The following PTBP2 variants were observed in gnomAD, a reference collection of about 807,000 sequenced individuals.
PTBP2 encodes polypyrimidine tract-binding protein 2.
PTBP2 carries 13 observed loss-of-function variants against 61.4 expected under a neutral mutation model. That is an observed-to-expected ratio of 0.21 (90% CI 0.14 to 0.34). The LOEUF is 0.34. Among genes scored for constraint, PTBP2 ranks in the 10% least tolerant of loss-of-function variants. The probability of loss-of-function intolerance (pLI) is 1.00; values close to 1 mark genes in which losing one functional copy is unlikely to be tolerated. For missense variants in PTBP2, 405 were observed against 642.6 expected, an observed-to-expected ratio of 0.63 and a Z score of 4.00; for synonymous variants, 215 against 218.5, an observed-to-expected ratio of 0.98 and a Z score of 0.14.
intron 2 of PTBP2, among the ~76,000 whole-genome samples, chr1:96,750,908 A>G (rs986297566): frequency 6.6e-6 from 1 of 152,102 alleles, no homozygotes; most frequent in African/African-American, 2.4e-5. Flanking sequence ...TTTTGCAGAA[A>G]GAAATCTCTT....
chr1:96,800,279 C>T (rs987327337), intron 8 of PTBP2, among the ~76,000 whole-genome samples: 1 of 151,998 alleles, frequency 6.6e-6, no homozygotes, highest in African/African-American at 2.4e-5. Flanking sequence ...TTTTTATTAC[C>T]TCCTTAGAAA....
chr1:96,814,657 A>C lies in PTBP2; in HGVS notation c.*1252A>C, dbSNP rs1662370283. ...TTTTGAAATTGATGTACTTAGTTTCAAGATTCATAGATTCTGTTATCTATG... is the reference window on the plus strand; with the variant it reads ...TTTTGAAATTGATGTACTTAGTTTCCAGATTCATAGATTCTGTTATCTATG... On this transcript the variant is annotated 3_prime_UTR_variant, in exon 14 of 14. Transcript: ENST00000674951. 1 of 152,554 alleles carries C rather than the reference A, an allele frequency of 6.6e-6. No homozygotes were observed. Among genetic ancestry groups the C allele is most frequent in the Non-Finnish European group, 1.5e-5 (1 of 67,984 alleles). The allele number at this position is 152,554 out of a possible 1,614,324, so 9.5% of individuals were successfully genotyped here.
rs761677662 is a variant in PTBP2 at position 96,791,586 on chromosome 1, AGAGGG to A, written c.904+6334_904+6338del. 3.2e-4 allele frequency among the ~76,000 whole-genome samples: 49 copies of A among 152,232 alleles called. 1 individual carries two copies. In the East Asian group the frequency reaches 4.8e-3, roughly 15 times the overall value. On this transcript the variant is annotated intron_variant, in intron 8 of 13. Coordinates refer to ENST00000674951, the MANE Select transcript of PTBP2 (RefSeq NM_021190.4). ...CTTTTCTAAAACGAAACCCCAGAGG[AGAGGG>A]GTTTTGAAGATACATATATACTGGT...
chr1:96,784,953 C>CTT (rs1659060732), intron 7 of PTBP2, 106 bp from the exon 8 acceptor site: 4 of 915,732 alleles, frequency 4.4e-6, no homozygotes, highest in Non-Finnish European at 6.4e-6. Context: ...TTCCTGGTAG[C>CTT]TTTTAAGTTC....
At chr1:96,803,675 C>CT (rs1661240656) in intron 8 of PTBP2, among the ~76,000 whole-genome samples, 1 of 152,052 alleles carries the variant, frequency 6.6e-6, no homozygotes, top group Admixed American at 6.5e-5. Flanking sequence ...AAAAACTTGA[C>CT]TTAAAAGAGT....
intron 3 of PTBP2, among the ~76,000 whole-genome samples, chr1:96,754,252 A>G (rs1306503636): frequency 6.6e-6 from 1 of 152,140 alleles, no homozygotes; most frequent in African/African-American, 2.4e-5. Context: ...TCTACAGGGG[A>G]TAAGAGGAGT....
intron 3 of PTBP2, among the ~76,000 whole-genome samples, chr1:96,762,138 C>A (rs1020757760): frequency 7.3e-4 from 110 of 151,224 alleles, no homozygotes; most frequent in Admixed American, 1.3e-3. Context: ...TCTTTCTACA[C>A]AGACACGGCA....
intron 3 of PTBP2, among the ~76,000 whole-genome samples, chr1:96,752,449 A>T (rs1654667983): frequency 6.6e-6 from 1 of 152,102 alleles, no homozygotes. Flanking sequence ...ACAAACACAC[A>T]TCTCTGACAA....
At position 96,813,487 on chromosome 1, in the gene PTBP2, AG is replaced by A. The variant is rs1440586655; in HGVS notation, c.*83del. ...GACTGTTCAGAAAAGTGGGGACCAG[AG>A]TTTGATTTTTTTTGTTTTTGTTTTT... On this transcript the variant is annotated 3_prime_UTR_variant, in exon 14 of 14. Transcript: ENST00000674951. 2.2e-5 allele frequency: 28 copies of A among 1,288,834 alleles called. No individual in the cohort carries two copies. Among genetic ancestry groups the A allele is most frequent in the Non-Finnish European group, 2.7e-5 (26 of 976,238 alleles). 79.8% of individuals were successfully genotyped at this position (1,288,834 alleles called of 1,614,324 possible).
chr1:96,789,645 TTC>T (rs1292004164), intron 8 of PTBP2, among the ~76,000 whole-genome samples: 1 of 152,158 alleles, frequency 6.6e-6, no homozygotes, highest in African/African-American at 2.4e-5. Context: ...TTGATTTTCT[TTC>T]TTTGTTACAT....
At chr1:96,737,632 A>G (rs531173188) in intron 2 of PTBP2, among the ~76,000 whole-genome samples, 2 of 152,346 alleles carry the variant, frequency 1.3e-5, no homozygotes, top group East Asian at 3.9e-4. Flanking sequence ...AAAACAAGTA[A>G]TGATGAGGAA....
intron 2 of PTBP2, among the ~76,000 whole-genome samples, chr1:96,739,618 G>GTTTTTTTTTTTTTTTTTT (rs772410191): frequency 1.2e-5 from 1 of 83,802 alleles, no homozygotes; most frequent in Non-Finnish European, 2.2e-5. Flanking sequence ...ACTGGTGTGT[G>GTTTTTTTTTTTTTTTTTT]TTTTTTTTTT....
In PTBP2 at chr1:96,777,680, CCAGAGT is replaced by C; in HGVS notation, c.530_535del (p.Gln177_Ser178del). On this transcript the variant is annotated inframe_deletion, in exon 6 of 14. Transcript: ENST00000674951. ...TTAGCGAGAGTGCAGTGACTCCAGC[CCAGAGT>C]CCAGTACTTAGAATAATTATTGACA... The C allele has an allele frequency of 6.2e-7, 1 of 1,613,298 alleles. No individual in the cohort carries two copies. The highest frequency in any genetic ancestry group is 8.5e-7 in the Non-Finnish European group (1 of 1,179,450).
intron 2 of PTBP2, among the ~76,000 whole-genome samples, chr1:96,745,480 C>G (rs940735014): frequency 9.2e-5 from 14 of 152,038 alleles, no homozygotes; most frequent in Admixed American, 2.6e-4. Flanking sequence ...CTTTTTAATC[C>G]CCCTTCTTAC....
At chr1:96,809,303 C>G (rs1371188756) in intron 11 of PTBP2, among the ~76,000 whole-genome samples, 3 of 152,106 alleles carry the variant, frequency 2.0e-5, no homozygotes, top group Non-Finnish European at 4.4e-5. Context: ...AGTTATGCAT[C>G]CAACACAGTT....
At chr1:96,762,496 GA>G (rs1413001150) in intron 3 of PTBP2, among the ~76,000 whole-genome samples, 4 of 82,606 alleles carry the variant, frequency 4.8e-5, no homozygotes, top group African/African-American at 5.8e-5. Context: ...GCTGGGGGCT[GA>G]CCCCCGCCAC....
intron 7 of PTBP2, among the ~76,000 whole-genome samples, chr1:96,784,091 T>C (rs1389698177): frequency 6.6e-6 from 1 of 152,130 alleles, no homozygotes; most frequent in African/African-American, 2.4e-5. Flanking sequence ...GTTTACTTTT[T>C]CCATAACACG....
chr1:96,786,277 C>A (rs927272749), intron 8 of PTBP2, among the ~76,000 whole-genome samples: 13 of 152,086 alleles, frequency 8.5e-5, no homozygotes, highest in African/African-American at 2.9e-4. Context: ...GTATTTGATT[C>A]TGGTAACTAA....
intron 2 of PTBP2, among the ~76,000 whole-genome samples, chr1:96,735,795 G>A (rs959352571): frequency 1.2e-4 from 19 of 152,162 alleles, no homozygotes; most frequent in Non-Finnish European, 2.1e-4. Flanking sequence ...TCTAATTAGC[G>A]TTCCAGAAAT....
Sources: gnomAD v4.1 joint callset for allele counts (sites outside exome capture counted in the v4.1 genomes callset) on GRCh38, gnomAD v4.1.1 for gene constraint, MANE v1.5 for transcripts, NCBI Gene and HGNC (gene_info 2026-07-23, HGNC 2026-07-21) for gene names.